KSR1: variants seen among roughly 807,000 people sequenced by gnomAD.
KSR1 encodes kinase suppressor of ras.
In KSR1, 35 loss-of-function variants were observed where a neutral mutation model predicts 92.9. The ratio of observed to expected loss-of-function variants is 0.38; its 90% CI spans 0.29 to 0.50. The LOEUF is 0.50. Ranked by LOEUF, KSR1 falls within the 20% of genes least tolerant of loss-of-function variation. KSR1 has a pLI of 0.94. For synonymous variants in KSR1, 467 were observed against 472.6 expected, an observed-to-expected ratio of 0.99 and a Z score of 0.15; for missense variants, 972 against 1,158.5, an observed-to-expected ratio of 0.84 and a Z score of 2.34.
intron 1 of KSR1, among the ~76,000 whole-genome samples, chr17:27,493,264 A>G (rs964801525): frequency 2.6e-5 from 4 of 152,234 alleles, no homozygotes; most frequent in African/African-American, 9.6e-5. Flanking sequence ...TCACCCAGTT[A>G]GTAAATGCTG....
intron 19 of KSR1, among the ~76,000 whole-genome samples, chr17:27,620,783 A>G (rs995008534): frequency 3.3e-5 from 5 of 152,246 alleles, no homozygotes; most frequent in African/African-American, 1.2e-4. Flanking sequence ...AAAAGGCTCC[A>G]CTAGGTGGAC....
chr17:27,601,252 C>G lies in KSR1; in HGVS notation c.1469-108C>G, dbSNP rs944488788. 7.4e-6 allele frequency: 7 copies of G among 940,278 alleles called. No homozygotes were observed. The African/African-American group carries it at 9.7e-5, about 13-fold the overall frequency. 58.2% of individuals were successfully genotyped at this position (940,278 alleles called of 1,614,324 possible). ...CAGGTCCATCTGGGGTAGGGCTGTC[C>G]CAGCCCAGTAACAAGTCCCTGCCTC... On this transcript the variant is annotated intron_variant, in intron 10 of 20. Coordinates refer to ENST00000644974, the MANE Select transcript of KSR1 (RefSeq NM_001394583.1).
intron 2 of KSR1, among the ~76,000 whole-genome samples, chr17:27,557,072 A>G (rs1371679329): frequency 6.6e-6 from 1 of 152,118 alleles, no homozygotes; most frequent in African/African-American, 2.4e-5. Flanking sequence ...TCCCTTTGTC[A>G]AGCTTCGGGA....
chr17:27,605,516 G>C lies in KSR1; in HGVS notation c.1697G>C (p.Trp566Ser). 6.2e-7 allele frequency: 1 copy of C among 1,600,278 alleles called. No homozygotes were observed. Among genetic ancestry groups the C allele is most frequent in the Non-Finnish European group, 8.5e-7 (1 of 1,174,404 alleles). The part of the protein sequence containing the change: ...VDDLPSSRRP[W>S]RGPISRKASQ... Reference sequence around the variant, plus strand: ...GACTTGCCGAGCTCTCGCCGGCCCTGGCGGGGCCCCATCTCTCGCAAGGCC... The same window carrying C: ...GACTTGCCGAGCTCTCGCCGGCCCTCGCGGGGCCCCATCTCTCGCAAGGCC... The change falls in exon 14 of 21, where the codon TGG (tryptophan) becomes TCG (serine). Residue 566 changes from tryptophan (W) to serine (S), a missense_variant. By Grantham distance (177) the Trp-to-Ser change is radical. This residue lies in a region of KSR1 where 611 missense variants were observed against 668.0 expected (regional missense o/e 0.91). Coordinates refer to ENST00000644974, the MANE Select transcript of KSR1 (RefSeq NM_001394583.1).
intron 1 of KSR1, among the ~76,000 whole-genome samples, chr17:27,542,111 T>C (rs1156919607): frequency 6.6e-6 from 1 of 152,214 alleles, no homozygotes; most frequent in Admixed American, 6.5e-5. Flanking sequence ...TGTGTGAAGA[T>C]TGGGACATCA....
Position 27,590,799 on chromosome 17 carries a change from C to T in KSR1, c.1047-12C>T, listed in dbSNP as rs533691688. On this transcript the variant is annotated splice_polypyrimidine_tract_variant and intron_variant, in intron 6 of 20. Coordinates refer to ENST00000644974, the MANE Select transcript of KSR1 (RefSeq NM_001394583.1). ...GCTGGTGCAAACATGTGCCTGTGTC[C>T]GCCCTCTGCAGGTTCTCCACCAAGT... 8.1e-6 allele frequency: 13 copies of T among 1,605,784 alleles called. No homozygotes were observed. The highest frequency in any genetic ancestry group is 7.9e-5 in the South Asian group (7 of 89,042).
Position 27,459,677 on chromosome 17 carries a change from G to A in KSR1, c.231+2803G>A, listed in dbSNP as rs1453998200. On this transcript the variant is annotated intron_variant, in intron 1 of 20. Coordinates refer to ENST00000644974, the MANE Select transcript of KSR1 (RefSeq NM_001394583.1). This position sits in a 1 kb window ranked among gnomAD's most constrained non-coding sequence, Gnocchi z 4.6. ...AGGGCTTGGCCTGTGCAACTGCATC[G>A]GACTTATCTAGAATCTGAGGAGCCC... 6.6e-6 allele frequency among the ~76,000 whole-genome samples: 1 copy of A among 152,192 alleles called. No individual in the cohort carries two copies. The highest frequency in any genetic ancestry group is 1.5e-5 in the Non-Finnish European group (1 of 68,042).
intron 2 of KSR1, among the ~76,000 whole-genome samples, chr17:27,574,430 G>A (rs572072443): frequency 7.0e-6 from 1 of 142,706 alleles, no homozygotes; most frequent in South Asian, 2.3e-4. Flanking sequence ...TCTTGGTACA[G>A]TTATGTGTCT....
Position 27,623,882 on chromosome 17 carries a change from A to G in KSR1, c.*490A>G. 2.2e-6 allele frequency: 1 copy of G among 449,138 alleles called. No individual in the cohort carries two copies. The highest frequency in any genetic ancestry group is 4.1e-5 in the Admixed American group (1 of 24,508). 27.8% of individuals were successfully genotyped at this position (449,138 alleles called of 1,614,324 possible). The stretch of plus-strand genomic sequence containing the variant: ...TTTTGGCCCAAGACTCCATCAGGGA[A>G]ATCTATCTAGGGCTCTCCCCTTGTC... On this transcript the variant is annotated 3_prime_UTR_variant, in exon 21 of 21. Coordinates refer to ENST00000644974, the MANE Select transcript of KSR1 (RefSeq NM_001394583.1).
At chr17:27,562,796 G>A (rs147268429) in intron 2 of KSR1, among the ~76,000 whole-genome samples, 166 of 152,314 alleles carry the variant, frequency 1.1e-3, no homozygotes, top group African/African-American at 3.9e-3. Flanking sequence ...TGTACCTTTG[G>A]GGGAGGCCAC....
rs368062799 is a variant in KSR1, at chr17:27,505,161, C to T, written c.232-45407C>T. On this transcript the variant is annotated intron_variant, in intron 1 of 20. Transcript: ENST00000644974. ...TGCTGACTATGGCCACGGGCTATGA[C>T]ACTTCAGGAGGATAGTCCGTTTGAA... Among the ~76,000 whole-genome samples the T allele has an allele frequency of 2.7e-4, 41 of 152,186 alleles. 1 individual carries two copies. Among genetic ancestry groups the T allele is most frequent in the African/African-American group, 9.7e-4 (40 of 41,438 alleles).
At chr17:27,515,442 C>T (rs2069751061) in intron 1 of KSR1, among the ~76,000 whole-genome samples, 1 of 152,152 alleles carries the variant, frequency 6.6e-6, no homozygotes, top group African/African-American at 2.4e-5. Flanking sequence ...TTACACGCCG[C>T]ATGACTGTAG....
At chr17:27,468,795 C>T (rs1212327324) in intron 1 of KSR1, among the ~76,000 whole-genome samples, 1 of 152,168 alleles carries the variant, frequency 6.6e-6, no homozygotes, top group Non-Finnish European at 1.5e-5. Context: ...TAACCTGAGT[C>T]CCCCGCCGCA....
At chr17:27,576,264 T>C (rs545589261) in intron 2 of KSR1, among the ~76,000 whole-genome samples, 1 of 152,334 alleles carries the variant, frequency 6.6e-6, no homozygotes, top group Admixed American at 6.5e-5. Context: ...GTAGGGGATA[T>C]GTTCCAGGAC....
intron 10 of KSR1, 155 bp from the exon 11 acceptor site, chr17:27,601,205 G>T (rs1370361036): frequency 1.6e-6 from 1 of 625,684 alleles, no homozygotes; most frequent in Non-Finnish European, 2.8e-6. Flanking sequence ...CCTCCTTCCT[G>T]CATGGTTTGG....
chr17:27,549,092 G>GT (rs2071295118), intron 1 of KSR1, among the ~76,000 whole-genome samples: 1 of 152,202 alleles, frequency 6.6e-6, no homozygotes, highest in East Asian at 1.9e-4. Flanking sequence ...CGGATTTTGG[G>GT]TTTTTGGATT....
At chr17:27,475,067 C>T (rs545586833) in intron 1 of KSR1, among the ~76,000 whole-genome samples, 1 of 152,186 alleles carries the variant, frequency 6.6e-6, no homozygotes, top group East Asian at 1.9e-4. Flanking sequence ...TGAGTAAAGA[C>T]CTCAAAAGGG....
chr17:27,549,267 G>T (rs976167554), intron 1 of KSR1, among the ~76,000 whole-genome samples: 3 of 152,206 alleles, frequency 2.0e-5, no homozygotes, highest in African/African-American at 7.2e-5. Context: ...ACCATTAGGA[G>T]GCCACCAGAG....
At position 27,585,624 on chromosome 17, in the gene KSR1, G is replaced by A. The variant is rs375831035; in HGVS notation, c.981-33G>A. The A allele has an allele frequency of 2.8e-4, 208 of 756,138 alleles. No individual in the cohort carries two copies. The East Asian group carries it at 3.0e-3, about 11-fold the overall frequency. 46.8% of individuals were successfully genotyped at this position (756,138 alleles called of 1,614,324 possible). ...GAACACGCCGAGCCAGCGTGGTGACGTAATCCCCCTCTCTGCTTTTTGTCT... is the reference window on the plus strand; with the variant it reads ...GAACACGCCGAGCCAGCGTGGTGACATAATCCCCCTCTCTGCTTTTTGTCT... On this transcript the variant is annotated intron_variant, in intron 4 of 20. Coordinates refer to ENST00000644974, the MANE Select transcript of KSR1 (RefSeq NM_001394583.1).
Sources: allele counts gnomAD v4.1 joint callset (sites outside exome capture counted in the v4.1 genomes callset), GRCh38; gene constraint gnomAD v4.1.1; regional missense constraint gnomAD v4.1.1; non-coding constraint Gnocchi (gnomAD v3.1); transcripts MANE v1.5; gene names NCBI Gene and HGNC (gene_info 2026-07-23, HGNC 2026-07-21).